Variants in NCOR2 observed in about 807,000 individuals in gnomAD.
NCOR2 encodes the protein CTG repeat protein 26.
Under a neutral mutation model 262.9 loss-of-function variants are expected in NCOR2, and 81 were observed. The ratio of observed to expected loss-of-function variants is 0.31; its 90% CI spans 0.26 to 0.37. The LOEUF (loss-of-function observed/expected upper bound fraction) is 0.37, where lower values mean the gene tolerates loss of function less well. Among genes scored for constraint, NCOR2 ranks in the 10% least tolerant of loss-of-function variants. NCOR2 has a pLI of 1.00. For synonymous variants in NCOR2, 1,659 were observed against 1,559.3 expected (o/e 1.06, Z -1.51); for missense variants, 3,385 against 3,621.4 (o/e 0.93, Z 1.68).
At chr12:124,335,325 GGGCTGCTGGGCCCAA>G (rs754415097) in intron 39 of NCOR2, 45 bp from the exon 42 acceptor site, 1 of 1,520,856 alleles carries the variant, frequency 6.6e-7, no homozygotes, top group Non-Finnish European at 8.8e-7. Flanking sequence ...GCTGGCCCCA[GGGCTGCTGGGCCCAA>G]ATCCCAGCCC....
rs564530675 is a variant in NCOR2, at chr12:124,358,897, A to G, written c.3101-2115T>C. Among the ~76,000 whole-genome samples the G allele has an allele frequency of 4.2e-4, 64 of 152,316 alleles. 1 individual carries two copies. The highest frequency in any genetic ancestry group is 1.4e-3 in the African/African-American group (59 of 41,570). On this transcript the variant is annotated intron_variant, in intron 22 of 46. Coordinates refer to ENST00000405201, the Ensembl canonical transcript of NCOR2. The stretch of plus-strand genomic sequence containing the variant: ...CTGACTGACTGTCCCCATTTCACAG[A>G]CGGGAAAATGGAAGCCGAGAGGTTA...
At chr12:124,388,738 G>A (rs1277789929) in intron 16 of NCOR2, 1 of 1,304,340 alleles carries the variant, frequency 7.7e-7, no homozygotes. Flanking sequence ...CATAGGGCTG[G>A]GAAGATGCCC....
At chr12:124,379,453 T>C (rs1328793172) in intron 17 of NCOR2, among the ~76,000 whole-genome samples, 2 of 152,196 alleles carry the variant, frequency 1.3e-5, no homozygotes, top group Non-Finnish European at 2.9e-5. Flanking sequence ...CCAGCCTTCG[T>C]GGGCTTGAAC....
chr12:124,356,811 G>A, intron 22 of NCOR2, 29 bp from the exon 25 acceptor site: 1 of 1,445,738 alleles, frequency 6.9e-7, no homozygotes, highest in Non-Finnish European at 9.0e-7. Flanking sequence ...TCTCTGCTGA[G>A]GGCAGGAGGT....
Position 124,354,084 on chromosome 12 carries a change from GACA to G in NCOR2, c.3693+6_3693+8del. 1.2e-6 allele frequency: 2 copies of G among 1,606,132 alleles called. No homozygotes were observed. ...AACCGTCCTTCCTGCCGCACCCCAG[GACA>G]CCTACGTGGGTGATGGAGCCGCGGT... On this transcript the variant is annotated splice_donor_region_variant and intron_variant, in intron 27 of 46. Coordinates refer to ENST00000405201, the Ensembl canonical transcript of NCOR2.
At chr12:124,374,379 C>T (rs1175518480) in intron 19 of NCOR2, 34 bp downstream of exon 21, 2 of 1,608,464 alleles carry the variant, frequency 1.2e-6, no homozygotes, top group Non-Finnish European at 1.7e-6. Context: ...CCCGGCCCGG[C>T]CCTACCCCCC....
At chr12:124,382,356 GAT>G (rs1205235390) in intron 17 of NCOR2, among the ~76,000 whole-genome samples, 5 of 152,142 alleles carry the variant, frequency 3.3e-5, no homozygotes, top group African/African-American at 1.2e-4. Flanking sequence ...TGCAGCCCGC[GAT>G]ATGAGGGTGC....
At chr12:124,458,045 G>A (rs1349308106) in intron 5 of NCOR2, among the ~76,000 whole-genome samples, 1 of 152,236 alleles carries the variant, frequency 6.6e-6, no homozygotes, top group Non-Finnish European at 1.5e-5. Context: ...GTGTGTGCTG[G>A]CAAATGGGTG....
chr12:124,401,294 A>G (rs2041972906), intron 14 of NCOR2, among the ~76,000 whole-genome samples: 1 of 152,094 alleles, frequency 6.6e-6, no homozygotes, highest in South Asian at 2.1e-4. Flanking sequence ...GTGGACAGGT[A>G]GTTAATTGGC....
In NCOR2 at chr12:124,378,306, C is replaced by T. The variant is rs2040171020; in HGVS notation, c.2098G>A (p.Val700Met). 6.2e-7 allele frequency: 1 copy of T among 1,613,914 alleles called. No individual in the cohort carries two copies. The highest frequency in any genetic ancestry group is 8.5e-7 in the Non-Finnish European group (1 of 1,179,918). ...GACGCCTCCATCTCCTCATCCTCCA[C>T]CACGGGCGGGAATGCAGCCTCCTCG... The change falls in exon 18 of 47, where the codon GTG becomes ATG. Residue 700 changes from valine (V) to methionine (M), a missense_variant. Around this residue, in one of 5 missense-constraint regions of NCOR2, gnomAD observed 515 missense variants for 781.2 expected, o/e 0.66. Coordinates refer to ENST00000405201, the Ensembl canonical transcript of NCOR2. This position sits in a 1 kb window ranked among gnomAD's most constrained non-coding sequence, Gnocchi z 4.2.
At chr12:124,519,834 CCT>C (rs903107890) in intron 1 of NCOR2, among the ~76,000 whole-genome samples, 5 of 152,056 alleles carry the variant, frequency 3.3e-5, no homozygotes, top group African/African-American at 9.7e-5. Context: ...CAGGTATGCC[CCT>C]GAGCCGCCAC....
chr12:124,348,500 A>G, intron 28 of NCOR2, 186 bp from the exon 31 acceptor site: 5 of 718,928 alleles, frequency 7.0e-6, no homozygotes, highest in Non-Finnish European at 1.1e-5. Context: ...GCCTGCCAGC[A>G]GGACCCAGGA....
intron 20 of NCOR2, among the ~76,000 whole-genome samples, chr12:124,365,364 A>G (rs1593231062): frequency 6.6e-6 from 1 of 152,110 alleles, no homozygotes; most frequent in African/African-American, 2.4e-5. Context: ...CAGGGACACA[A>G]CTCACACCAC....
rs1172681297 is a variant in NCOR2 at position 124,566,237 on chromosome 12, G to A, written c.-165+1071C>T. On this transcript the variant is annotated intron_variant, in intron 1 of 32. Coordinates refer to the NCOR2 transcript ENST00000458234. The surrounding 1 kb of genome is among the most constrained non-coding windows in gnomAD (Gnocchi z 4.3). ...GGGGGAGAGGAGGAGGGGGAGGAAG[G>A]GAGGAGGCTGAGCCGACAGAACAGA... is the stretch of plus-strand genomic sequence containing the variant. Among the ~76,000 whole-genome samples the A allele has an allele frequency of 1.3e-5, 2 of 152,210 alleles. No homozygotes were observed. Among genetic ancestry groups the A allele is most frequent in the African/African-American group, 2.4e-5 (1 of 41,462 alleles).
intron 10 of NCOR2, among the ~76,000 whole-genome samples, chr12:124,428,043 C>CTGTGTGTGTGTGTGTGTGTG (rs1491282996): frequency 7.3e-5 from 3 of 40,962 alleles, no homozygotes; most frequent in South Asian, 8.6e-4. Context: ...CCCATGTGGC[C>CTGTGTGTGTGTGTGTGTGTG]AGTGTGTGTG....
At chr12:124,337,381 T>C (rs962454052) in intron 37 of NCOR2, 2 of 738,238 alleles carry the variant, frequency 2.7e-6, no homozygotes, top group East Asian at 2.7e-5. Flanking sequence ...ATTCCTTGCA[T>C]CATTCCAAAA....
At chr12:124,341,319 AACCTCC>A (rs1487375733) in intron 34 of NCOR2, among the ~76,000 whole-genome samples, 1 of 151,724 alleles carries the variant, frequency 6.6e-6, no homozygotes, top group African/African-American at 2.4e-5. Context: ...CACTCACTGT[AACCTCC>A]ACCTCCTGGG....
At chr12:124,400,929 G>T (rs1408763208) in intron 14 of NCOR2, among the ~76,000 whole-genome samples, 1 of 152,202 alleles carries the variant, frequency 6.6e-6, no homozygotes, top group Non-Finnish European at 1.5e-5. Context: ...TTGCGGCCAG[G>T]TGTGCTGGGT....
intron 41 of NCOR2, 22 bp from the exon 44 acceptor site, chr12:124,333,301 G>A (rs894418436): frequency 1.9e-6 from 3 of 1,578,154 alleles, no homozygotes; most frequent in Non-Finnish European, 2.6e-6. Flanking sequence ...AAGGGCCCCA[G>A]ATGTGGTCAG....
Sources: allele counts gnomAD v4.1 joint callset (sites outside exome capture counted in the v4.1 genomes callset), GRCh38; gene constraint gnomAD v4.1.1; regional missense constraint gnomAD v4.1.1; non-coding constraint Gnocchi (gnomAD v3.1); transcripts MANE v1.5; gene names NCBI Gene and HGNC (gene_info 2026-07-23, HGNC 2026-07-21).